Variants in KICS2 observed in about 807,000 individuals in gnomAD.
KICS2 encodes the protein KICSTOR complex protein C12orf66.
Under a neutral mutation model 31.4 loss-of-function variants are expected in KICS2, and 13 were observed. The observed-to-expected ratio is 0.41, with a 90% CI of 0.27 to 0.66. KICS2 has a LOEUF of 0.66. Among genes scored for constraint, KICS2 ranks in the 30% least tolerant of loss-of-function variants. The pLI, the probability that KICS2 is intolerant of heterozygous loss-of-function variation, is 0.28. For synonymous variants in KICS2, 209 were observed against 214.8 expected (o/e 0.97, Z 0.24); for missense variants, 455 against 545.4 (o/e 0.83, Z 1.65).
rs982536791 is a variant in KICS2 at position 64,192,608 on chromosome 12, C to T, written c.*1234G>A. 2 of 985,244 alleles carry T rather than the reference C, an allele frequency of 2.0e-6. No individual in the cohort carries two copies. The highest frequency in any genetic ancestry group is 3.5e-5 in the African/African-American group (2 of 57,228). 61.0% of individuals were successfully genotyped at this position (985,244 alleles called of 1,614,324 possible). A position where few individuals can be genotyped will look rare whatever the true frequency, so the allele number is the denominator to read the frequency against. On this transcript the variant is annotated 3_prime_UTR_variant, in exon 3 of 3. Transcript: ENST00000398055. ...TGACCATTACATTTCACACAAGCTT[C>T]AAAGGAACCATCAAACCAGTAACAA...
chr12:64,187,853 CATA>C (rs974594071), downstream of KICS2, among the ~76,000 whole-genome samples: 8 of 152,036 alleles, frequency 5.3e-5, no homozygotes, highest in South Asian at 2.1e-4. Context: ...TGATCTTTTA[CATA>C]ATAATAATAA....
In KICS2 at chr12:64,215,924, G is replaced by A. The variant is rs774216289; in HGVS notation, c.275C>T (p.Thr92Ile). 2.5e-6 allele frequency: 4 copies of A among 1,613,806 alleles called. No individual in the cohort carries two copies. Among genetic ancestry groups the A allele is most frequent in the Middle Eastern group, 1.7e-4 (1 of 6,034 alleles). Residue 92 changes from threonine to isoleucine, a missense_variant, in exon 2 of 3, where the codon ACC becomes ATC. Thr to Ile is a moderately conservative substitution (Grantham distance 89). Coordinates refer to ENST00000398055, the MANE Select transcript of KICS2 (RefSeq NM_152440.5). Reference sequence around the variant, plus strand: ...CTCATTATGCAATGAAGTATAGATGGTGCGGATGGAATCCTTCCTGCTGAA... The same window carrying A: ...CTCATTATGCAATGAAGTATAGATGATGCGGATGGAATCCTTCCTGCTGAA... ...SFFSRKDSIR[T>I]IYTSLHNELK... is the part of the protein sequence containing the mutation.
Position 64,215,669 on chromosome 12 carries a change from C to A in KICS2, c.521+9G>T. The A allele has an allele frequency of 2.5e-6, 4 of 1,608,316 alleles. No homozygotes were observed. In the South Asian group the frequency reaches 4.4e-5, roughly 18 times the overall value. Reference sequence around the variant, plus strand: ...CCACGCTTTCTCCCTCCCTCCTCCCCACACTGACCTGGAGCTGTATTTTTT... The same window carrying A: ...CCACGCTTTCTCCCTCCCTCCTCCCAACACTGACCTGGAGCTGTATTTTTT... On this transcript the variant is annotated intron_variant, in intron 2 of 2. Coordinates refer to ENST00000398055, the MANE Select transcript of KICS2 (RefSeq NM_152440.5).
intron 2 of KICS2, among the ~76,000 whole-genome samples, chr12:64,199,666 C>A (rs2037471467): frequency 6.8e-6 from 1 of 146,492 alleles, no homozygotes; most frequent in Non-Finnish European, 1.5e-5. Flanking sequence ...TCAAATTGTC[C>A]CTGTTTGCAG....
At chr12:64,204,091 C>A (rs1005062640) in intron 2 of KICS2, among the ~76,000 whole-genome samples, 5 of 152,254 alleles carry the variant, frequency 3.3e-5, no homozygotes, top group Non-Finnish European at 7.3e-5. Flanking sequence ...TTATCCTCAG[C>A]AAACTAACGT....
intron 2 of KICS2, among the ~76,000 whole-genome samples, chr12:64,201,619 G>GA (rs142477212): frequency 0.3 from 35,143 of 116,924 alleles, 5,267 homozygotes; most frequent in South Asian, 0.45. Context: ...AAAAAAAAAA[G>GA]AAAAAAAAAA....
In KICS2 at chr12:64,219,721, A is replaced by G. The variant is rs186854888; in HGVS notation, c.235+2282T>C. Among the ~76,000 whole-genome samples the G allele has an allele frequency of 7.5e-4, 114 of 152,364 alleles. 1 individual carries two copies. The highest frequency in any genetic ancestry group is 2.5e-3 in the African/African-American group (105 of 41,578). On this transcript the variant is annotated intron_variant, in intron 1 of 2. Coordinates refer to ENST00000398055, the MANE Select transcript of KICS2 (RefSeq NM_152440.5). ...TTGTGGTGATTATTTCACAATTTACATATACATCAAAACATCAAGTTGTAC... is the reference window on the plus strand; with the variant it reads ...TTGTGGTGATTATTTCACAATTTACGTATACATCAAAACATCAAGTTGTAC...
At chr12:64,207,001 A>T (rs558105284) in intron 2 of KICS2, among the ~76,000 whole-genome samples, 64 of 152,200 alleles carry the variant, frequency 4.2e-4, no homozygotes, top group African/African-American at 1.4e-3. Context: ...CTGGATACAT[A>T]AAAAAAGTTA....
At position 64,193,977 on chromosome 12, in the gene KICS2, G is replaced by A; in HGVS notation, c.1203C>T (p.His401=). ...STYFLTRPEP[H]FTIVIIFESK... The stretch of plus-strand genomic sequence containing the variant: ...ACTCAAAAATGATGACAATGGTAAA[G>A]TGAGGTTCCGGGCGGGTTAGGAAGT... The change falls in exon 3 of 3, where the codon CAC becomes CAT. Residue 401 remains histidine, a synonymous_variant. Transcript: ENST00000398055. 6.2e-6 allele frequency: 10 copies of A among 1,614,206 alleles called. No individual in the cohort carries two copies. Among genetic ancestry groups the A allele is most frequent in the Non-Finnish European group, 8.5e-6 (10 of 1,180,042 alleles).
downstream of KICS2, among the ~76,000 whole-genome samples, chr12:64,187,875 G>T (rs1470254647): frequency 6.6e-6 from 1 of 152,096 alleles, no homozygotes; most frequent in African/African-American, 2.4e-5. Context: ...AAATAACATG[G>T]TAAAAATACA....
chr12:64,218,959 G>A (rs895498459), intron 1 of KICS2, among the ~76,000 whole-genome samples: 10 of 152,068 alleles, frequency 6.6e-5, no homozygotes, highest in Admixed American at 1.3e-4. Flanking sequence ...AATATCCAGC[G>A]GGGACTGACC....
intron 2 of KICS2, among the ~76,000 whole-genome samples, chr12:64,206,271 T>C (rs1037142914): frequency 6.6e-6 from 1 of 152,172 alleles, no homozygotes; most frequent in Non-Finnish European, 1.5e-5. Flanking sequence ...CTTTGGTACA[T>C]AGGCATATGT....
rs762325973 is a variant in KICS2 at position 64,194,570 on chromosome 12, C to A, written c.610G>T (p.Val204Phe). The change falls in exon 3 of 3, where the codon GTC becomes TTC. Residue 204 changes from valine to phenylalanine, a missense_variant. Coordinates refer to ENST00000398055, the MANE Select transcript of KICS2 (RefSeq NM_152440.5). ...GATGGGAGGAACTTCCACTCTGAGA[C>A]CTGGGCCTGGGCTTTCAGGAGATGA... is the stretch of plus-strand genomic sequence containing the variant. ...LCHLLKAQAQ[V>F]SEWKFLPSLV... The A allele has an allele frequency of 6.2e-7, 1 of 1,614,134 alleles. No individual in the cohort carries two copies. Among genetic ancestry groups the A allele is most frequent in the Non-Finnish European group, 8.5e-7 (1 of 1,180,040 alleles).
chr12:64,219,274 T>G (rs910547033), intron 1 of KICS2, among the ~76,000 whole-genome samples: 3 of 152,106 alleles, frequency 2.0e-5, no homozygotes, highest in Non-Finnish European at 4.4e-5. Flanking sequence ...TTGAGGAAAC[T>G]CTCCAGTAAT....
chr12:64,189,827 A>G (rs925501638), downstream of KICS2, among the ~76,000 whole-genome samples: 3 of 152,192 alleles, frequency 2.0e-5, no homozygotes, highest in African/African-American at 7.2e-5. Flanking sequence ...AATAAAAACT[A>G]TAAATGTATA....
intron 2 of KICS2, among the ~76,000 whole-genome samples, chr12:64,202,202 C>T (rs2037496739): frequency 6.6e-6 from 1 of 152,076 alleles, no homozygotes; most frequent in Non-Finnish European, 1.5e-5. Context: ...CCCAGGAGTT[C>T]ATGAGACAGC....
downstream of KICS2, chr12:64,187,727 GTTTT>G: frequency 1.6e-6 from 2 of 1,229,118 alleles, no homozygotes; most frequent in Middle Eastern, 1.9e-4. Context: ...CACATAGCAT[GTTTT>G]TTGTTTCTCA....
chr12:64,219,861 A>G (rs937291525), intron 1 of KICS2, among the ~76,000 whole-genome samples: 1 of 152,216 alleles, frequency 6.6e-6, no homozygotes, highest in African/African-American at 2.4e-5. Flanking sequence ...TTTGCTTTCT[A>G]AAGAAAACTA....
Position 64,194,529 on chromosome 12 carries a change from G to A in KICS2, c.651C>T (p.His217=). ...WKFLPSLVNL[H]SAHTKLQTWG... is the part of the protein sequence containing the mutation. The stretch of plus-strand genomic sequence containing the variant: ...ACGTCTGCAGTTTGGTGTGCGCACT[G>A]TGTAAATTAACCAGAGATGGGAGGA... The change falls in exon 3 of 3, where the codon CAC becomes CAT. Residue 217 remains histidine (H), a synonymous_variant. Transcript: ENST00000398055. 7.4e-6 allele frequency: 12 copies of A among 1,614,164 alleles called. No individual in the cohort carries two copies. The highest frequency in any genetic ancestry group is 1.0e-5 in the Non-Finnish European group (12 of 1,180,030).
Sources: allele counts gnomAD v4.1 joint callset (sites outside exome capture counted in the v4.1 genomes callset), GRCh38; gene constraint gnomAD v4.1.1; transcripts MANE v1.5; gene names NCBI Gene and HGNC (gene_info 2026-07-23, HGNC 2026-07-21).